Variants in ACSS3 observed in about 807,000 individuals in gnomAD.
ACSS3 encodes the protein acyl-CoA synthetase short chain family member 3.
ACSS3 carries 64 observed loss-of-function variants against 84.2 expected under a neutral mutation model. The ratio of observed to expected loss-of-function variants is 0.76; its 90% CI spans 0.62 to 0.94. The LOEUF is 0.94. ACSS3 is among the 40% of genes least tolerant of loss of function. The pLI, the probability that ACSS3 is intolerant of heterozygous loss-of-function variation, is 0.00. For missense variants in ACSS3, 815 were observed against 867.6 expected, an observed-to-expected ratio of 0.94 and a Z score of 0.76; for synonymous variants, 317 against 310.1, an observed-to-expected ratio of 1.02 and a Z score of -0.23.
intron 8 of ACSS3, among the ~76,000 whole-genome samples, chr12:81,191,118 C>A (rs531464692): frequency 6.6e-6 from 1 of 152,056 alleles, no homozygotes; most frequent in South Asian, 2.1e-4. Flanking sequence ...GCACAGCCTC[C>A]CCTACTATGA....
intron 1 of ACSS3, 94 bp from the exon 2 acceptor site, chr12:81,109,466 G>A: frequency 7.1e-7 from 1 of 1,417,094 alleles, no homozygotes; most frequent in Non-Finnish European, 9.5e-7. Flanking sequence ...TTGTTTTAAG[G>A]CCAGCTCTAT....
chr12:81,199,813 T>C, intron 9 of ACSS3: 8 of 561,676 alleles, frequency 1.4e-5, no homozygotes, highest in Admixed American at 1.2e-4. Context: ...CATTATCCTC[T>C]GTCCTGATTT....
intron 2 of ACSS3, among the ~76,000 whole-genome samples, chr12:81,132,281 T>A (rs1440738985): frequency 1.3e-5 from 2 of 152,184 alleles, no homozygotes; most frequent in African/African-American, 4.8e-5. Context: ...GTTGGTAGGC[T>A]ATTAATTGTT....
chr12:81,160,629 C>G (rs1003246417), intron 7 of ACSS3, among the ~76,000 whole-genome samples: 2 of 152,130 alleles, frequency 1.3e-5, no homozygotes, highest in Non-Finnish European at 2.9e-5. Context: ...TTTTGTGAAT[C>G]TTCTTCACTT....
At chr12:81,139,645 A>ATT (rs1205935894) in intron 4 of ACSS3, among the ~76,000 whole-genome samples, 53 of 146,868 alleles carry the variant, frequency 3.6e-4, no homozygotes, top group South Asian at 2.6e-3. Flanking sequence ...AATTATTGTT[A>ATT]TTTTTTTTTG....
chr12:81,253,811 A>G (rs1222522849), intron 15 of ACSS3, 141 bp downstream of exon 15: 1 of 851,390 alleles, frequency 1.2e-6, no homozygotes, highest in African/African-American at 1.7e-5. Context: ...TTTAATGTTA[A>G]GGGAGAGATT....
chr12:81,207,655 A>G (rs2032404232), intron 9 of ACSS3, among the ~76,000 whole-genome samples: 1 of 152,152 alleles, frequency 6.6e-6, no homozygotes, highest in Admixed American at 6.6e-5. Flanking sequence ...TCAGATTCAA[A>G]AAAACTTGGA....
In ACSS3 at chr12:81,176,108, A is replaced by G. The variant is rs572703867; in HGVS notation, c.1250+1169A>G. On this transcript the variant is annotated intron_variant, in intron 8 of 15. Transcript: ENST00000548058. ...AAAATCTTGATAGGCCACTAGCTAG[A>G]CTATTTAAAAAAGAGAGAAGATCCA... Among the ~76,000 whole-genome samples, 4 of 152,326 alleles carry G rather than the reference A, an allele frequency of 2.6e-5. No homozygotes were observed. The South Asian group carries it at 8.3e-4, about 32-fold the overall frequency.
At chr12:81,122,484 T>C (rs1249115093) in intron 2 of ACSS3, among the ~76,000 whole-genome samples, 2 of 152,174 alleles carry the variant, frequency 1.3e-5, no homozygotes, top group East Asian at 3.9e-4. Flanking sequence ...AAGTAACAAC[T>C]TTGTTTCACA....
intron 1 of ACSS3, among the ~76,000 whole-genome samples, chr12:81,095,238 G>A (rs550057326): frequency 6.6e-6 from 1 of 152,230 alleles, no homozygotes; most frequent in Non-Finnish European, 1.5e-5. Flanking sequence ...TGGTTGACTG[G>A]GGACCACTGT....
At chr12:81,151,439 C>T (rs1361565251) in intron 5 of ACSS3, among the ~76,000 whole-genome samples, 1 of 152,116 alleles carries the variant, frequency 6.6e-6, no homozygotes, top group Non-Finnish European at 1.5e-5. Context: ...AAATAGAGGT[C>T]CTTATGTTAG....
intron 5 of ACSS3, among the ~76,000 whole-genome samples, chr12:81,148,917 A>AAG (rs1225555988): frequency 5.3e-5 from 8 of 150,472 alleles, no homozygotes; most frequent in Non-Finnish European, 1.0e-4. Context: ...AAAAAAAAAA[A>AAG]AAAAATTAGC....
intron 7 of ACSS3, among the ~76,000 whole-genome samples, chr12:81,157,777 A>C (rs570975078): frequency 1.3e-5 from 2 of 152,194 alleles, no homozygotes; most frequent in Non-Finnish European, 2.9e-5. Flanking sequence ...ACTGCACTCC[A>C]GCCTGGGCAA....
chr12:81,090,406 A>G (rs1284678873), intron 1 of ACSS3, among the ~76,000 whole-genome samples: 2 of 152,044 alleles, frequency 1.3e-5, no homozygotes, highest in African/African-American at 4.8e-5. Flanking sequence ...ACTCAGTAAT[A>G]GGAGAGTAGG....
chr12:81,169,383 T>A (rs1359799001), intron 7 of ACSS3, among the ~76,000 whole-genome samples: 1 of 152,172 alleles, frequency 6.6e-6, no homozygotes, highest in East Asian at 1.9e-4. Context: ...AGCAACATAA[T>A]GTTTTGAAAA....
At chr12:81,175,059 G>C in intron 8 of ACSS3, 120 bp downstream of exon 8, 1 of 1,084,992 alleles carries the variant, frequency 9.2e-7, no homozygotes, top group East Asian at 2.7e-5. Flanking sequence ...GATTCAGAGT[G>C]TTATTAAGAA....
chr12:81,233,762 G>A (rs1044067736), intron 13 of ACSS3, among the ~76,000 whole-genome samples: 3 of 151,560 alleles, frequency 2.0e-5, no homozygotes, highest in African/African-American at 7.3e-5. Flanking sequence ...AATGCCTCTA[G>A]CTTCTTGATT....
At chr12:81,215,235 C>T (rs922111112) in intron 9 of ACSS3, among the ~76,000 whole-genome samples, 1 of 152,026 alleles carries the variant, frequency 6.6e-6, no homozygotes, top group African/African-American at 2.4e-5. Flanking sequence ...TTCCCCCCTG[C>T]CCCCCACCTT....
At position 81,250,788 on chromosome 12, in the gene ACSS3, A is replaced by G. The variant is rs139144369; in HGVS notation, c.1720-2519A>G. Among the ~76,000 whole-genome samples the G allele has an allele frequency of 2.2e-3, 336 of 152,270 alleles. 3 individuals are homozygous for G. The highest frequency in any genetic ancestry group is 7.9e-3 in the African/African-American group (328 of 41,570). On this transcript the variant is annotated intron_variant, in intron 13 of 15. Coordinates refer to ENST00000548058, the MANE Select transcript of ACSS3 (RefSeq NM_024560.4). ...AACTCTGGTTAGCCAAGAAAAAGAG[A>G]TGTTCTTCACTCATTAAGGGAATAC...
Sources: gnomAD v4.1 joint callset for allele counts (sites outside exome capture counted in the v4.1 genomes callset) on GRCh38, gnomAD v4.1.1 for gene constraint, MANE v1.5 for transcripts, NCBI Gene and HGNC (gene_info 2026-07-23, HGNC 2026-07-21) for gene names.